Variants in ARB2A observed in about 807,000 individuals in gnomAD.
ARB2A encodes the protein cotranscriptional regulator ARB2A.
the ARB2A span, among the ~76,000 whole-genome samples, chr5:94,096,092 C>T: frequency 6.6e-6 from 1 of 152,176 alleles, no homozygotes; most frequent in Non-Finnish European, 1.5e-5. Context: ...CCAAATGGAT[C>T]AAGATTATTA....
the ARB2A span, among the ~76,000 whole-genome samples, chr5:93,778,348 G>C: frequency 2.6e-5 from 4 of 152,104 alleles, no homozygotes; most frequent in African/African-American, 9.7e-5. Context: ...CACACAATTA[G>C]CCAGCTTTTA....
chr5:93,737,036 A>G, the ARB2A span: 1 of 152,222 alleles, frequency 6.6e-6, no homozygotes, highest in Non-Finnish European at 1.5e-5. Flanking sequence ...GATATGATTT[A>G]TATGTAGAAA....
the ARB2A span, among the ~76,000 whole-genome samples, chr5:93,875,012 G>A: frequency 1.3e-5 from 2 of 152,130 alleles, no homozygotes; most frequent in Non-Finnish European, 2.9e-5. Context: ...ATGAAGTCTT[G>A]CTATATCAGG....
the ARB2A span, among the ~76,000 whole-genome samples, chr5:93,878,348 G>A: frequency 2.2e-4 from 33 of 152,080 alleles, 1 homozygote; most frequent in African/African-American, 7.2e-4. Flanking sequence ...ATACAGTAGC[G>A]AGCAAAACAG....
At chr5:93,981,172 A>G in the ARB2A span, among the ~76,000 whole-genome samples, 1 of 150,988 alleles carries the variant, frequency 6.6e-6, no homozygotes, top group South Asian at 2.1e-4. Flanking sequence ...GGCACAAATG[A>G]TCCTCCCACC....
the ARB2A span, among the ~76,000 whole-genome samples, chr5:93,690,829 G>A: frequency 2.0e-5 from 3 of 152,236 alleles, no homozygotes; most frequent in South Asian, 6.2e-4. Flanking sequence ...GTGGGATGAA[G>A]CTTCCAGAGG....
the ARB2A span, among the ~76,000 whole-genome samples, chr5:93,650,158 G>GA: frequency 1.9e-3 from 263 of 138,578 alleles, 2 homozygotes; most frequent in South Asian, 9.7e-3. Context: ...TATCAAGAAG[G>GA]AAAAAAAAAA....
At chr5:93,740,771 C>T in the ARB2A span, 1 of 1,612,326 alleles carries the variant, frequency 6.2e-7, no homozygotes, top group Non-Finnish European at 8.5e-7. Context: ...GGTCGACTGC[C>T]CATCTTGCTG....
chr5:93,873,648 G>A, the ARB2A span, among the ~76,000 whole-genome samples: 2 of 152,120 alleles, frequency 1.3e-5, no homozygotes, highest in Admixed American at 1.3e-4. Context: ...AAACAGGTAT[G>A]CTTTGGTGAA....
chr5:93,959,036 C>A, the ARB2A span: 1 of 1,012,110 alleles, frequency 9.9e-7, no homozygotes, highest in Non-Finnish European at 1.4e-6. Flanking sequence ...AATGAAAAAA[C>A]AACTAATGGC....
At chr5:94,041,533 A>G in the ARB2A span, among the ~76,000 whole-genome samples, 1 of 152,136 alleles carries the variant, frequency 6.6e-6, no homozygotes, top group Admixed American at 6.6e-5. Context: ...AATAATAATA[A>G]GAGCTTAAAT....
chr5:93,967,684 C>A, the ARB2A span, among the ~76,000 whole-genome samples: 3 of 152,188 alleles, frequency 2.0e-5, no homozygotes, highest in South Asian at 2.1e-4. Context: ...TAAAAACTCT[C>A]CTGCAGGGGA....
chr5:93,953,515 T>C, the ARB2A span, among the ~76,000 whole-genome samples: 13 of 152,126 alleles, frequency 8.5e-5, no homozygotes, highest in Admixed American at 8.5e-4. Flanking sequence ...CTCTTCCCTT[T>C]GTGCAGAGCT....
the ARB2A span, among the ~76,000 whole-genome samples, chr5:93,939,060 CA>C: frequency 6.6e-6 from 1 of 152,242 alleles, no homozygotes; most frequent in Admixed American, 6.5e-5. Context: ...TAAATATTTT[CA>C]AGACCAATTC....
At chr5:93,625,145 A>C in the ARB2A span, among the ~76,000 whole-genome samples, 1 of 152,188 alleles carries the variant, frequency 6.6e-6, no homozygotes, top group Non-Finnish European at 1.5e-5. Context: ...TGACTACTTT[A>C]TTATGTCTTC....
the ARB2A span, among the ~76,000 whole-genome samples, chr5:93,924,950 C>A: frequency 6.6e-6 from 1 of 152,028 alleles, no homozygotes; most frequent in Non-Finnish European, 1.5e-5. Flanking sequence ...TAAATGTAGA[C>A]CTTGGATACT....
chr5:93,623,270 AG>A, the ARB2A span, among the ~76,000 whole-genome samples: 1 of 151,178 alleles, frequency 6.6e-6, no homozygotes, highest in Non-Finnish European at 1.5e-5. Flanking sequence ...AAAAAAAAAA[AG>A]GTGTTAATTG....
At chr5:93,937,090 G>T in the ARB2A span, among the ~76,000 whole-genome samples, 1 of 151,676 alleles carries the variant, frequency 6.6e-6, no homozygotes, top group Non-Finnish European at 1.5e-5. Context: ...AGCCAGGATG[G>T]TCTCGATCTC....
the ARB2A span, among the ~76,000 whole-genome samples, chr5:93,772,081 A>C: frequency 4.6e-5 from 7 of 152,228 alleles, no homozygotes; most frequent in African/African-American, 1.7e-4. Context: ...GATAGACTGG[A>C]TTAAGAAAAT....
Sources: gnomAD v4.1 joint callset for allele counts (sites outside exome capture counted in the v4.1 genomes callset) on GRCh38, gnomAD v4.1.1 for gene constraint, MANE v1.5 for transcripts, NCBI Gene and HGNC (gene_info 2026-07-23, HGNC 2026-07-21) for gene names.